Variants in FBXL7 observed in about 807,000 individuals in gnomAD.
FBXL7 encodes the protein F-box and leucine rich repeat protein 7, also known as F-box/LRR-repeat protein 7.
Under a neutral mutation model 38.3 loss-of-function variants are expected in FBXL7, and 12 were observed. The ratio of observed to expected loss-of-function variants is 0.31; its 90% CI spans 0.20 to 0.51. The LOEUF (loss-of-function observed/expected upper bound fraction) is 0.51. Among genes scored for constraint, FBXL7 ranks in the 20% least tolerant of loss-of-function variants. The probability of loss-of-function intolerance (pLI) is 0.98; values close to 1 mark genes in which losing one functional copy is unlikely to be tolerated. For synonymous variants in FBXL7, 297 were observed against 300.9 expected, an observed-to-expected ratio of 0.99 and a Z score of 0.13; for missense variants, 567 against 676.4, an observed-to-expected ratio of 0.84 and a Z score of 1.79.
intron 1 of FBXL7, among the ~76,000 whole-genome samples, chr5:15,555,357 T>C (rs1012124252): frequency 1.1e-4 from 17 of 152,116 alleles, no homozygotes; most frequent in Admixed American, 7.2e-4. Flanking sequence ...TGTCTAATAG[T>C]GTGGGTGTGT....
chr5:15,519,974 A>T (rs984200147), intron 1 of FBXL7, among the ~76,000 whole-genome samples: 6 of 152,002 alleles, frequency 3.9e-5, no homozygotes, highest in African/African-American at 1.2e-4. Flanking sequence ...AGCCCTGAAG[A>T]CTCCTGGTTG....
chr5:15,659,774 A>G lies in FBXL7; in HGVS notation c.127+43702A>G, dbSNP rs1193108178. On this transcript the variant is annotated intron_variant, in intron 2 of 3. Coordinates refer to ENST00000504595, the MANE Select transcript of FBXL7 (RefSeq NM_012304.5). ...TAAAGTATTTTCTAGATATATTATTAAAGGAAAACATCCAATGACAATGTC... is the reference window on the plus strand; with the variant it reads ...TAAAGTATTTTCTAGATATATTATTGAAGGAAAACATCCAATGACAATGTC... Among the ~76,000 whole-genome samples the G allele has an allele frequency of 3.3e-5, 5 of 152,206 alleles. No individual in the cohort carries two copies. The East Asian group carries it at 9.6e-4, about 29-fold the overall frequency.
At chr5:15,535,233 A>G (rs1193675158) in intron 1 of FBXL7, among the ~76,000 whole-genome samples, 1 of 152,196 alleles carries the variant, frequency 6.6e-6, no homozygotes, top group East Asian at 1.9e-4. Flanking sequence ...AAAAAGCGAA[A>G]TAATACAGAA....
chr5:15,553,086 A>AC (rs1738130572), intron 1 of FBXL7, among the ~76,000 whole-genome samples: 1 of 146,794 alleles, frequency 6.8e-6, no homozygotes, highest in South Asian at 2.2e-4. Context: ...ATGTCAAAAA[A>AC]AAAAAACAAA....
chr5:15,845,261 C>G (rs1024515336), intron 2 of FBXL7, among the ~76,000 whole-genome samples: 1 of 152,208 alleles, frequency 6.6e-6, no homozygotes, highest in African/African-American at 2.4e-5. Flanking sequence ...TCTTCTGATG[C>G]GGTGAATTGA....
At chr5:15,872,044 C>T (rs1051726102) in intron 2 of FBXL7, among the ~76,000 whole-genome samples, 4 of 152,110 alleles carry the variant, frequency 2.6e-5, no homozygotes, top group African/African-American at 9.7e-5. Context: ...AGAGAAAGGT[C>T]GGGTTACCCA....
chr5:15,758,735 TTG>T (rs1448010300), intron 2 of FBXL7, among the ~76,000 whole-genome samples: 1 of 152,162 alleles, frequency 6.6e-6, no homozygotes, highest in Non-Finnish European at 1.5e-5. Context: ...GTTTAAGGGA[TTG>T]TCTCTGTCTT....
At position 15,895,704 on chromosome 5, in the gene FBXL7, C is replaced by T. The variant is rs375933817; in HGVS notation, c.128-32186C>T. On this transcript the variant is annotated intron_variant, in intron 2 of 3. Transcript: ENST00000504595. ...TTGCCCAGGCTCTGGAGTGCAGTGG[C>T]GCAAACTCGGCTCACTGCAAACTCT... is the stretch of plus-strand genomic sequence containing the variant. Among the ~76,000 whole-genome samples the T allele has an allele frequency of 1.2e-4, 16 of 130,612 alleles. No individual in the cohort carries two copies. In the East Asian group the frequency reaches 1.9e-3, roughly 15 times the overall value. The allele number at this position is 130,612 out of a possible 152,430, so 85.7% of individuals were successfully genotyped here.
chr5:15,874,642 A>G (rs1274717243), intron 2 of FBXL7, among the ~76,000 whole-genome samples: 1 of 152,228 alleles, frequency 6.6e-6, no homozygotes, highest in Non-Finnish European at 1.5e-5. Context: ...CAGCCAAATC[A>G]TGAGCAAACT....
intron 2 of FBXL7, among the ~76,000 whole-genome samples, chr5:15,781,659 G>A (rs1331043707): frequency 2.0e-5 from 3 of 151,694 alleles, no homozygotes; most frequent in African/African-American, 7.3e-5. Flanking sequence ...TAAAGTATTT[G>A]CACCATAGTT....
chr5:15,937,094 C>T lies in FBXL7; in HGVS notation c.1384C>T (p.Gln462Ter). ...NCFDLQTLNV[Q>*]DCEVSVEALR... is the part of the protein sequence containing the mutation. ...CTTTGACCTCCAGACGCTGAATGTC[C>T]AGGACTGCGAGGTCTCCGTGGAGGC... Residue 462 changes from glutamine (Q) to a stop codon, truncating the protein, a stop_gained, in exon 4 of 4, where the codon CAG (glutamine) becomes TAG (stop). Coordinates refer to ENST00000504595, the MANE Select transcript of FBXL7 (RefSeq NM_012304.5). LOFTEE classifies it high-confidence loss of function. 1.2e-6 allele frequency: 2 copies of T among 1,613,922 alleles called. No individual in the cohort carries two copies. The highest frequency in any genetic ancestry group is 1.7e-6 in the Non-Finnish European group (2 of 1,179,864).
rs1737532923 is a variant in FBXL7 at position 15,800,452 on chromosome 5, T to C, written c.128-127438T>C. Reference sequence around the variant, plus strand: ...ATTTCTATAGAATGACAGACAGGCCTAGGCTTAGGGAATTCATGAAACAAA... The same window carrying C: ...ATTTCTATAGAATGACAGACAGGCCCAGGCTTAGGGAATTCATGAAACAAA... On this transcript the variant is annotated intron_variant, in intron 2 of 3. Transcript: ENST00000504595. Among the ~76,000 whole-genome samples, 4 of 152,252 alleles carry C rather than the reference T, an allele frequency of 2.6e-5. No homozygotes were observed. The South Asian group carries it at 8.3e-4, about 32-fold the overall frequency.
At chr5:15,587,170 G>C (rs1739330808) in intron 1 of FBXL7, among the ~76,000 whole-genome samples, 1 of 152,190 alleles carries the variant, frequency 6.6e-6, no homozygotes. Context: ...CACAATCTCT[G>C]TTGCTCCTTT....
intron 2 of FBXL7, among the ~76,000 whole-genome samples, chr5:15,816,438 A>AT (rs1225576823): frequency 6.6e-6 from 1 of 152,182 alleles, no homozygotes; most frequent in Non-Finnish European, 1.5e-5. Flanking sequence ...GAGCTAAGCT[A>AT]TTGGTATGCA....
At chr5:15,830,525 C>CACAT (rs1483291870) in intron 2 of FBXL7, among the ~76,000 whole-genome samples, 2 of 144,734 alleles carry the variant, frequency 1.4e-5, no homozygotes, top group Non-Finnish European at 1.5e-5. Flanking sequence ...CACACACACA[C>CACAT]GGAAAATTTT....
At chr5:15,718,549 GAAATA>G (rs1744107450) in intron 2 of FBXL7, among the ~76,000 whole-genome samples, 1 of 152,144 alleles carries the variant, frequency 6.6e-6, no homozygotes, top group African/African-American at 2.4e-5. Context: ...AATAAGCAAG[GAAATA>G]AAATAGCGTA....
intron 1 of FBXL7, among the ~76,000 whole-genome samples, chr5:15,530,650 A>G (rs1737395782): frequency 6.6e-6 from 1 of 152,186 alleles, no homozygotes; most frequent in African/African-American, 2.4e-5. Flanking sequence ...ACAGATTAAA[A>G]TCAGCAAAGG....
At chr5:15,620,406 G>GTTTTTTTT (rs368712808) in intron 2 of FBXL7, among the ~76,000 whole-genome samples, 1 of 116,616 alleles carries the variant, frequency 8.6e-6, no homozygotes. Context: ...CTAATTTTTT[G>GTTTTTTTT]TTTTTTGTTT....
At chr5:15,629,995 T>C (rs991306746) in intron 2 of FBXL7, among the ~76,000 whole-genome samples, 2 of 152,220 alleles carry the variant, frequency 1.3e-5, no homozygotes, top group African/African-American at 4.8e-5. Context: ...TTACTCTTAG[T>C]TGTCTCTTGT....
Sources: gnomAD v4.1 joint callset for allele counts (sites outside exome capture counted in the v4.1 genomes callset) on GRCh38, gnomAD v4.1.1 for gene constraint, MANE v1.5 for transcripts, NCBI Gene and HGNC (gene_info 2026-07-23, HGNC 2026-07-21) for gene names.